Variants in MYO16 observed in about 807,000 individuals in gnomAD.
MYO16 encodes myosin XVI.
Under a neutral mutation model 205.3 loss-of-function variants are expected in MYO16, and 94 were observed. The observed-to-expected ratio is 0.46, with a 90% CI of 0.39 to 0.54. MYO16 has a LOEUF of 0.54. MYO16 is among the 20% of genes least tolerant of loss of function. The probability of loss-of-function intolerance (pLI) is 0.00; values close to 1 mark genes in which losing one functional copy is unlikely to be tolerated. For missense variants in MYO16, 2,315 were observed against 2,387.5 expected, an observed-to-expected ratio of 0.97 and a Z score of 0.63; for synonymous variants, 988 against 954.0, an observed-to-expected ratio of 1.04 and a Z score of -0.66.
At chr13:108,700,495 A>G (rs1179943727) in intron 2 of MYO16, among the ~76,000 whole-genome samples, 4 of 152,128 alleles carry the variant, frequency 2.6e-5, no homozygotes, top group Non-Finnish European at 5.9e-5. Context: ...CAGCCTTGCA[A>G]TCTTGGCAGC....
intron 1 of MYO16, among the ~76,000 whole-genome samples, chr13:108,615,400 G>A (rs1052080825): frequency 5.3e-5 from 8 of 152,012 alleles, no homozygotes; most frequent in African/African-American, 1.2e-4. Context: ...GCAGTTCTGC[G>A]AAATTTTTAA....
intron 28 of MYO16, among the ~76,000 whole-genome samples, chr13:109,111,274 G>A (rs1360401264): frequency 3.9e-5 from 6 of 152,166 alleles, no homozygotes; most frequent in Non-Finnish European, 8.8e-5. Context: ...GGAGCACAAT[G>A]ACATTCTGAG....
chr13:108,994,111 C>T (rs944057276), intron 21 of MYO16, among the ~76,000 whole-genome samples: 5 of 151,972 alleles, frequency 3.3e-5, no homozygotes, highest in Admixed American at 1.3e-4. Flanking sequence ...TTATATAAAT[C>T]CCTTATTAGT....
intron 20 of MYO16, among the ~76,000 whole-genome samples, chr13:108,971,358 TATA>T (rs1884002865): frequency 7.7e-6 from 1 of 130,278 alleles, no homozygotes; most frequent in South Asian, 2.2e-4. Flanking sequence ...ATTATATATA[TATA>T]TATATATATA....
chr13:108,523,755 C>T, the MYO16 span, among the ~76,000 whole-genome samples: 2 of 152,216 alleles, frequency 1.3e-5, no homozygotes, highest in South Asian at 4.1e-4. Context: ...TTATTTCTGC[C>T]TCCTGTTCCA....
In MYO16 at chr13:108,960,127, A is replaced by G. The variant is rs575076300; in HGVS notation, c.2038-1412A>G. Among the ~76,000 whole-genome samples, 22 of 152,042 alleles carry G rather than the reference A, an allele frequency of 1.4e-4. 1 individual carries two copies. The East Asian group carries it at 4.1e-3, about 28-fold the overall frequency. ...CATCTCTACAATTTTTTTCAAAAAC[A>G]TTAGCTGGACACTATTTTTTGCCTG... is the stretch of plus-strand genomic sequence containing the variant. On this transcript the variant is annotated intron_variant, in intron 17 of 34. Transcript: ENST00000457511.
At chr13:108,823,384 A>G in intron 9 of MYO16, 106 bp downstream of exon 9, 1 of 1,071,216 alleles carries the variant, frequency 9.3e-7, no homozygotes, top group East Asian at 2.4e-5. Flanking sequence ...AACAATTAAA[A>G]TGGTTTATCA....
intron 34 of MYO16, among the ~76,000 whole-genome samples, chr13:109,188,494 G>C (rs951878557): frequency 7.2e-5 from 11 of 152,072 alleles, no homozygotes; most frequent in African/African-American, 2.4e-4. Context: ...TGTAATTATT[G>C]ATATGGTTAG....
At chr13:108,560,765 A>C in the MYO16 span, among the ~76,000 whole-genome samples, 1 of 152,238 alleles carries the variant, frequency 6.6e-6, no homozygotes, top group Non-Finnish European at 1.5e-5. Context: ...TGACATTTAT[A>C]AATTACATTT....
At chr13:108,664,401 C>A (rs1009088155) in intron 1 of MYO16, among the ~76,000 whole-genome samples, 4 of 152,158 alleles carry the variant, frequency 2.6e-5, no homozygotes, top group Admixed American at 2.6e-4. Context: ...AGACAAGTCA[C>A]AACCTCTCTC....
the MYO16 span, among the ~76,000 whole-genome samples, chr13:108,568,246 C>T: frequency 6.6e-6 from 1 of 152,242 alleles, no homozygotes; most frequent in Non-Finnish European, 1.5e-5. Flanking sequence ...CACATGATAA[C>T]TCCAATTTTA....
chr13:108,798,702 T>TA lies in MYO16; in HGVS notation c.741+5062_741+5063insA, dbSNP rs1159263789. ...CCCCGAGGCTTATTTTTTTTTTTTT[T>TA]TTTTTTTTTTTTTTGAGATGGAGTC... On this transcript the variant is annotated intron_variant, in intron 6 of 34. Transcript: ENST00000457511. Among the ~76,000 whole-genome samples the TA allele has an allele frequency of 5.3e-3, 660 of 125,372 alleles. 4 individuals carry two copies. The highest frequency in any genetic ancestry group is 0.019 in the African/African-American group (621 of 32,226). 82.2% of individuals were successfully genotyped at this position (125,372 alleles called of 152,430 possible).
At chr13:108,752,314 T>C (rs1594264968) in intron 4 of MYO16, among the ~76,000 whole-genome samples, 1 of 152,310 alleles carries the variant, frequency 6.6e-6, no homozygotes, top group South Asian at 2.1e-4. Context: ...CAGATTTCTA[T>C]GAAAATATCT....
the MYO16 span, among the ~76,000 whole-genome samples, chr13:108,570,205 G>A: frequency 6.6e-6 from 1 of 151,854 alleles, no homozygotes; most frequent in Non-Finnish European, 1.5e-5. Flanking sequence ...TGCTTGCTTG[G>A]TTTTTGCTTT....
intron 9 of MYO16, among the ~76,000 whole-genome samples, chr13:108,837,348 T>C (rs1343330770): frequency 1.3e-5 from 2 of 152,172 alleles, no homozygotes; most frequent in Admixed American, 1.3e-4. Flanking sequence ...TTATAAATAC[T>C]CAGTCTCAAG....
intron 16 of MYO16, among the ~76,000 whole-genome samples, chr13:108,918,229 A>T (rs1881586165): frequency 6.6e-6 from 1 of 152,264 alleles, no homozygotes; most frequent in Non-Finnish European, 1.5e-5. Context: ...TATTATGAAA[A>T]TAGACCATCA....
chr13:108,612,697 G>T (rs1879219198), intron 1 of MYO16, among the ~76,000 whole-genome samples: 1 of 152,086 alleles, frequency 6.6e-6, no homozygotes, highest in South Asian at 2.1e-4. Context: ...CCATCTATCA[G>T]GGTGGGGTTG....
chr13:108,519,651 A>C, the MYO16 span, among the ~76,000 whole-genome samples: 11 of 137,720 alleles, frequency 8.0e-5, no homozygotes, highest in South Asian at 2.3e-4. Flanking sequence ...ACACACACCC[A>C]CACACACACA....
chr13:108,815,818 A>G (rs1331014012), intron 7 of MYO16, among the ~76,000 whole-genome samples: 2 of 152,234 alleles, frequency 1.3e-5, no homozygotes, highest in South Asian at 4.1e-4. Flanking sequence ...CAAAGTACCT[A>G]TAATAGACAA....
Sources: allele counts gnomAD v4.1 joint callset (sites outside exome capture counted in the v4.1 genomes callset), GRCh38; gene constraint gnomAD v4.1.1; transcripts MANE v1.5; gene names NCBI Gene and HGNC (gene_info 2026-07-23, HGNC 2026-07-21).